ATXN1: variants seen among roughly 807,000 people sequenced by gnomAD.
ATXN1 encodes ataxin-1.
In ATXN1, 8 loss-of-function variants were observed where a neutral mutation model predicts 56.4. The observed-to-expected ratio is 0.14, with a 90% CI of 0.08 to 0.26. ATXN1 has a LOEUF of 0.26. Among genes scored for constraint, ATXN1 ranks in the 10% least tolerant of loss-of-function variants. The pLI, the probability that ATXN1 is intolerant of heterozygous loss-of-function variation, is 1.00. For synonymous variants in ATXN1, 514 were observed against 494.6 expected, an observed-to-expected ratio of 1.04 and a Z score of -0.52; for missense variants, 987 against 1,106.5, an observed-to-expected ratio of 0.89 and a Z score of 1.53.
chr6:16,483,633 C>T (rs1033547757), intron 6 of ATXN1, among the ~76,000 whole-genome samples: 3 of 152,216 alleles, frequency 2.0e-5, no homozygotes, highest in Non-Finnish European at 4.4e-5. Context: ...CAACACACTC[C>T]ATTTACAGAA....
chr6:16,488,871 T>G (rs914759008), intron 5 of ATXN1, among the ~76,000 whole-genome samples: 1 of 152,182 alleles, frequency 6.6e-6, no homozygotes, highest in Admixed American at 6.6e-5. Flanking sequence ...CCTGGCAACT[T>G]TGACACACTC....
intron 6 of ATXN1, among the ~76,000 whole-genome samples, chr6:16,418,027 A>C (rs569124635): frequency 2.0e-5 from 3 of 152,322 alleles, no homozygotes; most frequent in Non-Finnish European, 4.4e-5. Context: ...AATGAAGGTA[A>C]AGCATGTTGT....
chr6:16,342,312 T>C (rs1169777139), intron 6 of ATXN1, among the ~76,000 whole-genome samples: 1 of 151,428 alleles, frequency 6.6e-6, no homozygotes, highest in Non-Finnish European at 1.5e-5. Context: ...CACTTCACAC[T>C]CATTAAGATG....
At chr6:16,547,396 C>G (rs1761833485) in intron 4 of ATXN1, among the ~76,000 whole-genome samples, 1 of 152,156 alleles carries the variant, frequency 6.6e-6, no homozygotes, top group Non-Finnish European at 1.5e-5. Flanking sequence ...TTAACATCCA[C>G]CGCCAGCAAA....
intron 3 of ATXN1, among the ~76,000 whole-genome samples, chr6:16,604,789 G>A (rs749653326): frequency 5.3e-5 from 8 of 150,990 alleles, no homozygotes; most frequent in Non-Finnish European, 1.2e-4. Flanking sequence ...GCCTCACTAT[G>A]TTGCCCAGGC....
rs1480647719 is a variant in ATXN1, at chr6:16,760,197, G to A, written c.-730+1101C>T. Among the ~76,000 whole-genome samples, 1 of 151,868 alleles carries A rather than the reference G, an allele frequency of 6.6e-6. No homozygotes were observed. On this transcript the variant is annotated intron_variant, in intron 1 of 7. Coordinates refer to ENST00000436367, the MANE Select transcript of ATXN1 (RefSeq NM_001128164.2). This position sits in a 1 kb window ranked among gnomAD's most constrained non-coding sequence, Gnocchi z 5.3. ...CCCGGCCCAGAGTGAACGAGCAGTG[G>A]GGCTCCAGGGCGCATCCCAATCCCC...
At chr6:16,567,355 A>AC (rs1762248261) in intron 4 of ATXN1, among the ~76,000 whole-genome samples, 1 of 152,218 alleles carries the variant, frequency 6.6e-6, no homozygotes, top group African/African-American at 2.4e-5. Context: ...ACAGAAGGGA[A>AC]AGACCATTAA....
intron 2 of ATXN1, chr6:16,737,022 C>T (rs1035738604): frequency 6.6e-6 from 1 of 152,126 alleles, no homozygotes; most frequent in African/African-American, 2.4e-5. Context: ...TTGCCAGTAA[C>T]TTTTTTTATA....
intron 4 of ATXN1, among the ~76,000 whole-genome samples, chr6:16,576,368 C>T (rs1762422684): frequency 6.6e-6 from 1 of 152,112 alleles, no homozygotes; most frequent in Admixed American, 6.5e-5. Flanking sequence ...TATTTTCTGC[C>T]ACAAATTACA....
At chr6:16,756,022 T>C (rs1042805124) in intron 1 of ATXN1, among the ~76,000 whole-genome samples, 1 of 152,180 alleles carries the variant, frequency 6.6e-6, no homozygotes, top group Non-Finnish European at 1.5e-5. Context: ...AAACGTGTTT[T>C]GGTACATTTG....
intron 6 of ATXN1, among the ~76,000 whole-genome samples, chr6:16,339,402 C>T (rs1333111475): frequency 1.3e-5 from 2 of 152,206 alleles, no homozygotes; most frequent in African/African-American, 4.8e-5. Flanking sequence ...CCAGATAATT[C>T]ATAAACTAAC....
chr6:16,575,830 G>C (rs1445470311), intron 4 of ATXN1, among the ~76,000 whole-genome samples: 2 of 152,320 alleles, frequency 1.3e-5, no homozygotes, highest in East Asian at 3.9e-4. Context: ...GTGGCAATTG[G>C]TAGGCAGGAA....
chr6:16,554,642 T>A (rs1459504493), intron 4 of ATXN1, among the ~76,000 whole-genome samples: 3 of 152,054 alleles, frequency 2.0e-5, no homozygotes, highest in African/African-American at 7.2e-5. Context: ...TTAGTAGAGA[T>A]GGGGTTTCAC....
rs1421255490 is a variant in ATXN1 at position 16,471,557 on chromosome 6, T to C, written c.-161+14415A>G. Among the ~76,000 whole-genome samples, 5 of 152,288 alleles carry C rather than the reference T, an allele frequency of 3.3e-5. No individual in the cohort carries two copies. In the East Asian group the frequency reaches 5.8e-4, roughly 18 times the overall value. ...GCTCACAGTCATGACCTTATGCCTA[T>C]ATCATAGAGTGACACTAGACAGCCA... On this transcript the variant is annotated intron_variant, in intron 6 of 7. Transcript: ENST00000436367.
chr6:16,573,169 G>A (rs901310966), intron 4 of ATXN1, among the ~76,000 whole-genome samples: 9 of 152,154 alleles, frequency 5.9e-5, no homozygotes, highest in South Asian at 4.1e-4. Flanking sequence ...ACATTCCAGC[G>A]TAAGCAGATG....
chr6:16,445,468 T>C (rs1384399218), intron 6 of ATXN1, among the ~76,000 whole-genome samples: 1 of 152,080 alleles, frequency 6.6e-6, no homozygotes, highest in African/African-American at 2.4e-5. Flanking sequence ...GGCAAAAGCG[T>C]TCATTTACCA....
chr6:16,369,250 T>C (rs1043454735), intron 6 of ATXN1, among the ~76,000 whole-genome samples: 3 of 152,236 alleles, frequency 2.0e-5, no homozygotes, highest in African/African-American at 7.2e-5. Flanking sequence ...AAAATGATCC[T>C]GGAGGAATGG....
intron 3 of ATXN1, among the ~76,000 whole-genome samples, chr6:16,617,898 A>G (rs149616307): frequency 2.0e-4 from 31 of 152,272 alleles, no homozygotes; most frequent in Non-Finnish European, 3.8e-4. Flanking sequence ...CAACTGATCT[A>G]ATATTTGACA....
At chr6:16,555,203 G>C (rs886809254) in intron 4 of ATXN1, among the ~76,000 whole-genome samples, 1 of 151,930 alleles carries the variant, frequency 6.6e-6, no homozygotes, top group African/African-American at 2.4e-5. Flanking sequence ...CTTCATCCTT[G>C]GTCCTGATGT....
Sources: allele counts gnomAD v4.1 joint callset (sites outside exome capture counted in the v4.1 genomes callset), GRCh38; gene constraint gnomAD v4.1.1; non-coding constraint Gnocchi (gnomAD v3.1); transcripts MANE v1.5; gene names NCBI Gene and HGNC (gene_info 2026-07-23, HGNC 2026-07-21).